Variants in COMT observed in about 807,000 individuals in gnomAD.
COMT encodes catechol-O-methyltransferase.
In COMT, 13 loss-of-function variants were observed where a neutral mutation model predicts 18.9. That is an observed-to-expected ratio of 0.69 (90% CI 0.45 to 1.09). The LOEUF (loss-of-function observed/expected upper bound fraction) is 1.09. Ranked by LOEUF, COMT falls within the 50% of genes least tolerant of loss-of-function variation. COMT has a pLI of 0.00. For synonymous variants in COMT, 150 were observed against 160.9 expected, an observed-to-expected ratio of 0.93 and a Z score of 0.51; for missense variants, 329 against 361.8, an observed-to-expected ratio of 0.91 and a Z score of 0.73.
chr22:19,967,720 G>T (rs1289605902), intron 5 of COMT: 1 of 260,588 alleles, frequency 3.8e-6, no homozygotes, highest in Non-Finnish European at 7.6e-6. Context: ...TTTGTTTGGT[G>T]ACTAAGTCAA....
chr22:19,962,039 G>A lies in COMT; in HGVS notation c.1-488G>A, dbSNP rs936624494. Among the ~76,000 whole-genome samples, 11 of 152,238 alleles carry A rather than the reference G, an allele frequency of 7.2e-5. 1 individual carries two copies. In the South Asian group the frequency reaches 1.2e-3, roughly 17 times the overall value. ...AAAAGGCCACATGAATCCCTGGGGC[G>A]TCCAGAGCATGGGTGACCAGCACGG... On this transcript the variant is annotated intron_variant, in intron 2 of 5. Transcript: ENST00000361682.
rs184481435 is a variant in COMT, at chr22:19,946,631, C to T, written c.-92+4734C>T. Among the ~76,000 whole-genome samples the T allele has an allele frequency of 2.0e-3, 301 of 152,258 alleles. 1 individual carries two copies. The highest frequency in any genetic ancestry group is 3.2e-3 in the Non-Finnish European group (217 of 68,030). ...ATTTCAGGAAAGCATCAGAGTAAAA[C>T]TCTAATGACAAAAGACTTAAAATAG... On this transcript the variant is annotated intron_variant, in intron 1 of 5. Coordinates refer to ENST00000361682, the MANE Select transcript of COMT (RefSeq NM_000754.4).
At chr22:19,956,137 C>CTTTTTTTTTTTT (rs71186638) in intron 1 of COMT, among the ~76,000 whole-genome samples, 2 of 84,816 alleles carry the variant, frequency 2.4e-5, no homozygotes, top group Admixed American at 1.8e-4. Flanking sequence ...TTCTTTTTTT[C>CTTTTTTTTTTTT]TTTTTTTTTT....
At position 19,962,508 on chromosome 22, in the gene COMT, C is replaced by CA; in HGVS notation, c.1-19_1-18insA. The CA allele has an allele frequency of 6.5e-7, 1 of 1,542,666 alleles. No individual in the cohort carries two copies. Among genetic ancestry groups the CA allele is most frequent in the Non-Finnish European group, 8.7e-7 (1 of 1,148,048 alleles). ...GGAGGAGCACAGAGCACTGGCGCCC[C>CA]TCCCCTCCCGCCCTGCAGATGCCGG... On this transcript the variant is annotated intron_variant, in intron 2 of 5. Coordinates refer to ENST00000361682, the MANE Select transcript of COMT (RefSeq NM_000754.4).
At chr22:19,942,491 G>A (rs9306232) in intron 1 of COMT, among the ~76,000 whole-genome samples, 1 of 152,084 alleles carries the variant, frequency 6.6e-6, no homozygotes, top group Non-Finnish European at 1.5e-5. Context: ...CCCCAGGGTC[G>A]GGGGGATGTG....
chr22:19,968,327 C>T (rs891289157), intron 5 of COMT, among the ~76,000 whole-genome samples: 5 of 152,194 alleles, frequency 3.3e-5, no homozygotes, highest in Non-Finnish European at 7.3e-5. Context: ...GGTCCCTGTC[C>T]TCACGGGGCC....
chr22:19,963,215 C>A, intron 3 of COMT: 2 of 494,032 alleles, frequency 4.0e-6, no homozygotes, highest in South Asian at 5.1e-5. Context: ...AGTGCCGCCC[C>A]AGGGCCCCAA....
At chr22:19,949,999 T>C (rs1433599455) in intron 1 of COMT, among the ~76,000 whole-genome samples, 1 of 152,172 alleles carries the variant, frequency 6.6e-6, no homozygotes, top group Non-Finnish European at 1.5e-5. Flanking sequence ...TTACGCTTAA[T>C]AATGAATGTT....
At chr22:19,964,400 T>C (rs1448904155) in intron 5 of COMT, 101 bp downstream of exon 5, 1 of 1,540,428 alleles carries the variant, frequency 6.5e-7, no homozygotes, top group Admixed American at 1.8e-5. Flanking sequence ...TAGAGCCCTG[T>C]GTGGACACAG....
chr22:19,954,894 G>T (rs1051884735), intron 1 of COMT, among the ~76,000 whole-genome samples: 1 of 152,190 alleles, frequency 6.6e-6, no homozygotes, highest in Non-Finnish European at 1.5e-5. Context: ...CTTCCTCTCT[G>T]CAGGTTGGAG....
intron 1 of COMT, among the ~76,000 whole-genome samples, chr22:19,956,176 G>A (rs1401273833): frequency 1.9e-5 from 2 of 106,076 alleles, no homozygotes; most frequent in African/African-American, 7.7e-5. Context: ...ATGGAGTCTC[G>A]CTCTGCTGCC....
intron 1 of COMT, among the ~76,000 whole-genome samples, chr22:19,946,375 C>A (rs375376920): frequency 6.6e-6 from 1 of 152,192 alleles, no homozygotes; most frequent in African/African-American, 2.4e-5. Context: ...GTAATCCCAA[C>A]TACTCGGGAG....
At chr22:19,949,280 G>A (rs1941889151) in intron 1 of COMT, among the ~76,000 whole-genome samples, 1 of 152,078 alleles carries the variant, frequency 6.6e-6, no homozygotes, top group Non-Finnish European at 1.5e-5. Flanking sequence ...GGGACTACAG[G>A]CATGTACCAC....
Position 19,962,600 on chromosome 22 carries a change from T to C in COMT, c.74T>C (p.Leu25Pro). 2 of 1,583,500 alleles carry C rather than the reference T, an allele frequency of 1.3e-6. No homozygotes were observed. The highest frequency in any genetic ancestry group is 1.7e-6 in the Non-Finnish European group (2 of 1,164,818). ...GLVLLVVLLL[L>P]LRHWGWGLCL... is the part of the protein sequence containing the mutation. ...GTGCTGCTGGTGGTGCTGCTGCTGC[T>C]TCTGAGGCACTGGGGCTGGGGCCTG... Residue 25 changes from leucine (L) to proline (P), a missense_variant, in exon 3 of 6, where the codon CTT (leucine) becomes CCT (proline). By Grantham distance (98) the Leu-to-Pro change is moderately conservative. Transcript: ENST00000361682.
intron 1 of COMT, among the ~76,000 whole-genome samples, chr22:19,948,197 G>C (rs1008779967): frequency 1.3e-5 from 2 of 151,942 alleles, no homozygotes; most frequent in Non-Finnish European, 2.9e-5. Flanking sequence ...GGAACAGCTC[G>C]TGCCCTCGGT....
At chr22:19,952,072 G>A (rs915862863) in intron 1 of COMT, among the ~76,000 whole-genome samples, 1 of 152,194 alleles carries the variant, frequency 6.6e-6, no homozygotes, top group Admixed American at 6.5e-5. Flanking sequence ...GGCTGAGGCT[G>A]GAGAATCACT....
chr22:19,950,207 T>G (rs1472653594), intron 1 of COMT, among the ~76,000 whole-genome samples: 1 of 150,692 alleles, frequency 6.6e-6, no homozygotes, highest in Non-Finnish European at 1.5e-5. Flanking sequence ...TTTTTTTTAC[T>G]CTATTTTATA....
intron 5 of COMT, among the ~76,000 whole-genome samples, chr22:19,968,150 T>A (rs72547415): frequency 2.6e-5 from 4 of 152,276 alleles, no homozygotes; most frequent in Non-Finnish European, 5.9e-5. Flanking sequence ...CAGCAACCCC[T>A]CTCCTTGGGT....
rs555437903 is a variant in COMT at position 19,941,904 on chromosome 22, G to A, written c.-92+7G>A. On this transcript the variant is annotated splice_region_variant and intron_variant, in intron 1 of 5. Coordinates refer to ENST00000361682, the MANE Select transcript of COMT (RefSeq NM_000754.4). The stretch of plus-strand genomic sequence containing the variant: ...GCGGGCCGTCGCGGGAGAGGTGAGA[G>A]CGCTGGCTAGACCGGGGCCGAATGC... The A allele has an allele frequency of 7.2e-5, 91 of 1,267,114 alleles. No homozygotes were observed. Among genetic ancestry groups the A allele is most frequent in the South Asian group, 6.5e-4 (36 of 55,368 alleles). The allele number at this position is 1,267,114 out of a possible 1,614,324, so 78.5% of individuals were successfully genotyped here. A position where few individuals can be genotyped will look rare whatever the true frequency, so the allele number is the denominator to read the frequency against.
Sources: gnomAD v4.1 joint callset for allele counts (sites outside exome capture counted in the v4.1 genomes callset) on GRCh38, gnomAD v4.1.1 for gene constraint, MANE v1.5 for transcripts, NCBI Gene and HGNC (gene_info 2026-07-23, HGNC 2026-07-21) for gene names.